Variants in TMX2 observed in about 807,000 individuals in gnomAD.
TMX2 encodes thioredoxin-related transmembrane protein 2.
In TMX2, 20 loss-of-function variants were observed where a neutral mutation model predicts 33.4. That is an observed-to-expected ratio of 0.60 (90% CI 0.42 to 0.87). The LOEUF is 0.87. TMX2 is among the 40% of genes least tolerant of loss of function. The probability of loss-of-function intolerance (pLI) is 0.00; values close to 1 mark genes in which losing one functional copy is unlikely to be tolerated. For missense variants in TMX2, 340 were observed against 370.7 expected, an observed-to-expected ratio of 0.92 and a Z score of 0.68; for synonymous variants, 166 against 140.7, an observed-to-expected ratio of 1.18 and a Z score of -1.27.
At chr11:57,712,862 G>A in intron 1 of TMX2, 55 bp downstream of exon 1, 1 of 1,599,608 alleles carries the variant, frequency 6.3e-7, no homozygotes, top group Non-Finnish European at 8.6e-7. Context: ...GCCCTTGCAG[G>A]TGTATCTGGG....
intron 3 of TMX2, 75 bp downstream of exon 3, chr11:57,738,101 TCC>T: frequency 8.2e-7 from 1 of 1,224,928 alleles, no homozygotes; most frequent in Non-Finnish European, 1.2e-6. Context: ...GAAACCACAG[TCC>T]CAACAGTTGC....
chr11:57,721,403 C>T (rs1947624044), intron 1 of TMX2, among the ~76,000 whole-genome samples: 1 of 136,576 alleles, frequency 7.3e-6, no homozygotes, highest in African/African-American at 2.8e-5. Context: ...GGCTGGAGTG[C>T]AATGGCTCAG....
intron 1 of TMX2, among the ~76,000 whole-genome samples, chr11:57,721,474 G>A (rs544655538): frequency 2.0e-5 from 3 of 150,306 alleles, no homozygotes; most frequent in South Asian, 4.2e-4. Flanking sequence ...GTGCCACCAT[G>A]CCCAGCTAAT....
At position 57,712,673 on chromosome 11, in the gene TMX2, C is replaced by T; in HGVS notation, c.55C>T (p.Arg19Ter). 6.2e-7 allele frequency: 1 copy of T among 1,614,208 alleles called. No individual in the cohort carries two copies. Among genetic ancestry groups the T allele is most frequent in the Non-Finnish European group, 8.5e-7 (1 of 1,180,032 alleles). Residue 19 changes from arginine (R) to a stop codon, truncating the protein, a stop_gained, in exon 1 of 8, where the codon CGA (arginine) becomes TGA (stop). Coordinates refer to ENST00000278422, the MANE Select transcript of TMX2 (RefSeq NM_015959.4). LOFTEE classifies it high-confidence loss of function. ...ALVYSVPRLS[R>*]WLAQPYYLLS... ...CGTGTATTCGGTGCCGCGACTTTCA[C>T]GATGGCTCGCCCAACCTTACTACCT...
At chr11:57,725,433 G>T (rs576133153) in intron 1 of TMX2, among the ~76,000 whole-genome samples, 17 of 152,222 alleles carry the variant, frequency 1.1e-4, no homozygotes, top group Admixed American at 3.9e-4. Flanking sequence ...CTGGTTTTGA[G>T]GGATAAAATT....
intron 1 of TMX2, among the ~76,000 whole-genome samples, chr11:57,722,102 C>T (rs988857132): frequency 2.0e-5 from 3 of 152,096 alleles, no homozygotes; most frequent in African/African-American, 7.2e-5. Context: ...CTTAAGCCAT[C>T]CTCCCACCTG....
intron 1 of TMX2, chr11:57,718,650 C>T (rs1485412202): frequency 5.7e-5 from 19 of 332,024 alleles, no homozygotes; most frequent in Non-Finnish European, 6.6e-5. Flanking sequence ...AATAACCCCC[C>T]CTCTTTTTTT....
chr11:57,730,873 G>C (rs561098415), intron 1 of TMX2, among the ~76,000 whole-genome samples: 1 of 152,054 alleles, frequency 6.6e-6, no homozygotes, highest in Non-Finnish European at 1.5e-5. Flanking sequence ...GTCATAATAC[G>C]GTTAGTAAGA....
At chr11:57,726,925 G>C (rs1012321527) in intron 1 of TMX2, among the ~76,000 whole-genome samples, 2 of 152,168 alleles carry the variant, frequency 1.3e-5, no homozygotes, top group African/African-American at 4.8e-5. Flanking sequence ...CAAACACACT[G>C]TAAGTCTATT....
intron 1 of TMX2, among the ~76,000 whole-genome samples, chr11:57,715,406 TAAATA>T (rs1364392845): frequency 1.3e-5 from 2 of 150,386 alleles, no homozygotes; most frequent in African/African-American, 4.9e-5. Context: ...TGTCTCAAAA[TAAATA>T]AATAAATAAA....
chr11:57,739,410 G>GC, intron 7 of TMX2, 150 bp downstream of exon 7: 1 of 747,390 alleles, frequency 1.3e-6, no homozygotes, highest in Middle Eastern at 3.2e-4. Flanking sequence ...AATTCATTTA[G>GC]CAAATATATA....
At chr11:57,715,477 A>C (rs1444783378) in intron 1 of TMX2, among the ~76,000 whole-genome samples, 1 of 150,296 alleles carries the variant, frequency 6.7e-6, no homozygotes, top group African/African-American at 2.4e-5. Context: ...TTTTAATACT[A>C]AAGCTGATTT....
At chr11:57,718,644 AC>A (rs989216740) in intron 1 of TMX2, 2 of 269,286 alleles carry the variant, frequency 7.4e-6, no homozygotes, top group African/African-American at 2.5e-5. Flanking sequence ...TTCTGAAATA[AC>A]CCCCCCTCTT....
chr11:57,726,592 T>C (rs1291041111), intron 1 of TMX2, among the ~76,000 whole-genome samples: 2 of 152,152 alleles, frequency 1.3e-5, no homozygotes, highest in Non-Finnish European at 2.9e-5. Context: ...CCCTCAGCCA[T>C]AGGGAGTCCT....
intron 1 of TMX2, among the ~76,000 whole-genome samples, chr11:57,715,029 C>T (rs1167128876): frequency 1.3e-5 from 2 of 152,102 alleles, no homozygotes; most frequent in Admixed American, 6.5e-5. Flanking sequence ...TTACCCAGTC[C>T]GGTGATACAG....
intron 1 of TMX2, among the ~76,000 whole-genome samples, chr11:57,735,337 T>C (rs1590967197): frequency 1.3e-5 from 2 of 151,550 alleles, no homozygotes; most frequent in Non-Finnish European, 2.9e-5. Flanking sequence ...GCCTCCTGAG[T>C]AGCTTTGATT....
rs1018568233 is a variant in TMX2 at position 57,731,144 on chromosome 11, T to G, written c.190-6464T>G. ...TTTTTTGTTTTTTTTTTTTTTTTTT[T>G]TTTTTTTTTGAGATCCAGTTTCACT... On this transcript the variant is annotated intron_variant, in intron 1 of 7. Transcript: ENST00000278422. Among the ~76,000 whole-genome samples, 85 of 141,584 alleles carry G rather than the reference T, an allele frequency of 6.0e-4. 1 individual carries two copies. The highest frequency in any genetic ancestry group is 8.1e-4 in the Non-Finnish European group (53 of 65,486). The allele number at this position is 141,584 out of a possible 152,430, so 92.9% of individuals were successfully genotyped here. A position where few individuals can be genotyped will look rare whatever the true frequency, so the allele number is the denominator to read the frequency against.
chr11:57,717,940 A>T, intron 1 of TMX2: 1 of 681,730 alleles, frequency 1.5e-6, no homozygotes, highest in African/African-American at 1.8e-5. Flanking sequence ...GAGCACAAAG[A>T]TTCTAGGATA....
intron 5 of TMX2, 98 bp downstream of exon 5, chr11:57,738,868 A>G (rs940872456): frequency 9.1e-6 from 14 of 1,531,274 alleles, no homozygotes; most frequent in Non-Finnish European, 1.3e-5. Context: ...TGATTTTCAC[A>G]CATGGTAACC....
Sources: gnomAD v4.1 joint callset for allele counts (sites outside exome capture counted in the v4.1 genomes callset) on GRCh38, gnomAD v4.1.1 for gene constraint, MANE v1.5 for transcripts, NCBI Gene and HGNC (gene_info 2026-07-23, HGNC 2026-07-21) for gene names.